The following SPON1 variants were observed in gnomAD, a reference collection of about 807,000 sequenced individuals.
SPON1 encodes the protein spondin 1.
In SPON1, 52 loss-of-function variants were observed where a neutral mutation model predicts 111.7. The ratio of observed to expected loss-of-function variants is 0.47; its 90% CI spans 0.37 to 0.59. SPON1 has a LOEUF of 0.59. SPON1 is among the 20% of genes least tolerant of loss of function. The pLI is 0.00. For missense variants in SPON1, 957 were observed against 1,068.5 expected (o/e 0.90, Z 1.46); for synonymous variants, 410 against 395.8 (o/e 1.04, Z -0.43).
intron 1 of SPON1, among the ~76,000 whole-genome samples, chr11:13,966,251 G>A (rs1196987034): frequency 1.3e-4 from 19 of 151,956 alleles, no homozygotes; most frequent in African/African-American, 4.4e-4. Flanking sequence ...AGCTCTGAAA[G>A]GCCTGCTCTG....
intron 5 of SPON1, among the ~76,000 whole-genome samples, chr11:14,088,522 C>T (rs950280741): frequency 6.6e-6 from 1 of 152,116 alleles, no homozygotes; most frequent in Non-Finnish European, 1.5e-5. Context: ...ATGGGCTTCC[C>T]TTTGTGGGTA....
intron 6 of SPON1, among the ~76,000 whole-genome samples, chr11:14,171,884 C>T: frequency 6.6e-6 from 1 of 152,156 alleles, no homozygotes; most frequent in East Asian, 1.9e-4. Context: ...TGTTCTTTTA[C>T]ATTTGCTGAG....
At chr11:14,141,025 C>CT (rs1564913974) in intron 6 of SPON1, among the ~76,000 whole-genome samples, 2 of 125,562 alleles carry the variant, frequency 1.6e-5, no homozygotes, top group East Asian at 5.7e-4. Flanking sequence ...AGGCGTGCCC[C>CT]CCCCATGCCC....
intron 2 of SPON1, among the ~76,000 whole-genome samples, chr11:14,040,283 T>C (rs1184119729): frequency 6.6e-6 from 1 of 152,160 alleles, no homozygotes. Context: ...TAAAATGTGA[T>C]CTATGCATGC....
rs1472030100 is a variant in SPON1 at position 14,160,985 on chromosome 11, A to T, written c.825+25417A>T. Among the ~76,000 whole-genome samples, 133 of 56,678 alleles carry T rather than the reference A, an allele frequency of 2.3e-3. 1 individual carries two copies. Among genetic ancestry groups the T allele is most frequent in the South Asian group, 3.1e-3 (5 of 1,612 alleles). 37.2% of individuals were successfully genotyped at this position (56,678 alleles called of 152,430 possible). A position where few individuals can be genotyped will look rare whatever the true frequency, so the allele number is the denominator to read the frequency against. ...TATTTATATATATTTTTATATATTT[A>T]TATATATTTTTATATATTTATATAT... On this transcript the variant is annotated intron_variant, in intron 6 of 15. Transcript: ENST00000576479.
intron 1 of SPON1, 49 bp downstream of exon 1, chr11:13,963,191 G>C (rs1847988894): frequency 8.7e-6 from 12 of 1,383,606 alleles, no homozygotes; most frequent in African/African-American, 1.5e-5. Flanking sequence ...CCGGTCCCCG[G>C]AGGGCGCCGA....
chr11:14,023,966 C>A (rs1848498761), intron 2 of SPON1, among the ~76,000 whole-genome samples: 1 of 150,812 alleles, frequency 6.6e-6, no homozygotes, highest in Non-Finnish European at 1.5e-5. Flanking sequence ...TGGGCCACTG[C>A]ACTCCAGCCT....
At chr11:14,231,134 C>CTTTTTTTTTTT (rs532103835) in intron 6 of SPON1, among the ~76,000 whole-genome samples, 1 of 138,598 alleles carries the variant, frequency 7.2e-6, no homozygotes, top group Admixed American at 7.3e-5. Flanking sequence ...TCTTTTTTTT[C>CTTTTTTTTTTT]TTTTTTTTTT....
At chr11:14,145,950 G>C (rs1376707797) in intron 6 of SPON1, among the ~76,000 whole-genome samples, 1 of 152,068 alleles carries the variant, frequency 6.6e-6, no homozygotes, top group Admixed American at 6.6e-5. Flanking sequence ...TTCCATATAT[G>C]AAAAATGGCA....
At position 13,963,128 on chromosome 11, in the gene SPON1, G is replaced by A; in HGVS notation, c.224G>A (p.Gly75Glu). The change falls in exon 1 of 16, where the codon GGA (glycine) becomes GAA (glutamate). Residue 75 changes from glycine (G) to glutamate (E), a missense_variant. Gly to Glu is a moderately conservative substitution (Grantham distance 98). Transcript: ENST00000576479. ...GGCGACCCCGACTTCTACAAGCCGGGAACCAGCTACCGCGGTAAGTGGCCG... is the reference window on the plus strand; with the variant it reads ...GGCGACCCCGACTTCTACAAGCCGGAAACCAGCTACCGCGGTAAGTGGCCG... ...VEGDPDFYKP[G>E]TSYRVTLSAA... 6.6e-7 allele frequency: 1 copy of A among 1,516,164 alleles called. No individual in the cohort carries two copies. The highest frequency in any genetic ancestry group is 8.8e-7 in the Non-Finnish European group (1 of 1,130,406). 93.9% of individuals were successfully genotyped at this position (1,516,164 alleles called of 1,614,324 possible). A position where few individuals can be genotyped will look rare whatever the true frequency, so the allele number is the denominator to read the frequency against.
chr11:14,233,541 C>T (rs1848826807), intron 6 of SPON1, among the ~76,000 whole-genome samples: 1 of 152,206 alleles, frequency 6.6e-6, no homozygotes, highest in Admixed American at 6.5e-5. Context: ...CAGAGACTTC[C>T]TCTAGCTTAT....
At chr11:14,262,661 A>AT in intron 14 of SPON1, 51 bp from the exon 15 acceptor site, 1 of 1,242,144 alleles carries the variant, frequency 8.1e-7, no homozygotes, top group African/African-American at 2.0e-5. Flanking sequence ...GAGCGTGACC[A>AT]TATCTTGTTT....
chr11:14,252,693 A>G (rs1268607085), intron 7 of SPON1, among the ~76,000 whole-genome samples: 1 of 151,808 alleles, frequency 6.6e-6, no homozygotes, highest in Non-Finnish European at 1.5e-5. Context: ...AGCTGAAGGC[A>G]AGACCTGCGC....
chr11:14,044,376 C>G (rs1564892457), intron 3 of SPON1, among the ~76,000 whole-genome samples: 12 of 152,134 alleles, frequency 7.9e-5, no homozygotes, highest in Admixed American at 3.3e-4. Flanking sequence ...CTTTGGGAGG[C>G]TGAGGCAAGC....
At chr11:14,263,074 A>AGTCGGG in intron 15 of SPON1, 99 bp downstream of exon 15, 1 of 1,073,622 alleles carries the variant, frequency 9.3e-7, no homozygotes, top group Non-Finnish European at 1.3e-6. Context: ...AAAAAAAAAA[A>AGTCGGG]GTCGGGGAGA....
At chr11:13,971,549 A>T (rs1591336252) in intron 1 of SPON1, among the ~76,000 whole-genome samples, 1 of 152,142 alleles carries the variant, frequency 6.6e-6, no homozygotes, top group South Asian at 2.1e-4. Flanking sequence ...TAATAAAAAA[A>T]CTTCCTGGGC....
intron 6 of SPON1, among the ~76,000 whole-genome samples, chr11:14,173,849 G>C (rs539104524): frequency 6.6e-6 from 1 of 152,144 alleles, no homozygotes; most frequent in African/African-American, 2.4e-5. Flanking sequence ...CGTTCTTCTA[G>C]AAGTTTTGTC....
At chr11:13,999,535 A>G (rs1459287282) in intron 2 of SPON1, among the ~76,000 whole-genome samples, 1 of 151,508 alleles carries the variant, frequency 6.6e-6, no homozygotes, top group African/African-American at 2.4e-5. Context: ...CCTCCTGAGT[A>G]GCTGGGACTA....
chr11:14,116,691 G>T (rs1477450382), intron 5 of SPON1, among the ~76,000 whole-genome samples: 1 of 151,842 alleles, frequency 6.6e-6, no homozygotes, highest in Non-Finnish European at 1.5e-5. Flanking sequence ...AAGATTATTT[G>T]GCTATTCTTG....
Sources: gnomAD v4.1 joint callset for allele counts (sites outside exome capture counted in the v4.1 genomes callset) on GRCh38, gnomAD v4.1.1 for gene constraint, MANE v1.5 for transcripts, NCBI Gene and HGNC (gene_info 2026-07-23, HGNC 2026-07-21) for gene names.